The following PCDH7 variants were observed in gnomAD, a reference collection of about 807,000 sequenced individuals.
PCDH7 encodes the protein protocadherin-7.
Under a neutral mutation model 58.9 loss-of-function variants are expected in PCDH7, and 17 were observed. That is an observed-to-expected ratio of 0.29 (90% CI 0.20 to 0.43). The LOEUF (loss-of-function observed/expected upper bound fraction) is 0.43, where lower values mean the gene tolerates loss of function less well. Among genes scored for constraint, PCDH7 ranks in the 20% least tolerant of loss-of-function variants. The pLI is 1.00. For missense variants in PCDH7, 1,274 were observed against 1,441.0 expected, an observed-to-expected ratio of 0.88 and a Z score of 1.88; for synonymous variants, 664 against 616.4, an observed-to-expected ratio of 1.08 and a Z score of -1.14.
intron 3 of PCDH7, among the ~76,000 whole-genome samples, chr4:30,996,071 G>C (rs547167052): frequency 1.3e-5 from 2 of 151,986 alleles, no homozygotes; most frequent in African/African-American, 2.4e-5. Context: ...TATTCACATC[G>C]AATTAAATAT....
In PCDH7 at chr4:30,722,850, C is replaced by G. The variant is rs1380721086; in HGVS notation, c.1428C>G (p.Thr476=). ...TCCAGCTCAAGCCAGCCAGCGACAC[C>G]GAGGGCGACCAGAACAAGAAAAAGT... Residue 476 remains threonine, a synonymous_variant, in exon 1 of 2, where the codon ACC becomes ACG. Coordinates refer to ENST00000361762, the Ensembl canonical transcript of PCDH7. The surrounding 1 kb of genome is among the most constrained non-coding windows in gnomAD (Gnocchi z 7.6). 20 of 1,613,682 alleles carry G rather than the reference C, an allele frequency of 1.2e-5. No homozygotes were observed. Among genetic ancestry groups the G allele is most frequent in the Non-Finnish European group, 1.7e-5 (20 of 1,180,044 alleles).
At chr4:31,044,533 T>A (rs1691068008) in intron 3 of PCDH7, among the ~76,000 whole-genome samples, 1 of 152,050 alleles carries the variant, frequency 6.6e-6, no homozygotes, top group African/African-American at 2.4e-5. Context: ...CTGTGTTTTC[T>A]TATGCTAGGA....
chr4:30,915,125 T>G (rs965194887), intron 1 of PCDH7, among the ~76,000 whole-genome samples: 12 of 152,212 alleles, frequency 7.9e-5, no homozygotes, highest in African/African-American at 2.7e-4. Context: ...AAATGTTTAT[T>G]TTAAAGCAAA....
chr4:31,052,871 G>A (rs539571380), intron 3 of PCDH7, among the ~76,000 whole-genome samples: 1 of 152,108 alleles, frequency 6.6e-6, no homozygotes, highest in Admixed American at 6.6e-5. Context: ...CTTCAGAATA[G>A]AGATTTTCAT....
chr4:30,796,327 A>C (rs1197232851), intron 1 of PCDH7, among the ~76,000 whole-genome samples: 1 of 152,202 alleles, frequency 6.6e-6, no homozygotes, highest in African/African-American at 2.4e-5. Flanking sequence ...TTTACTGTTT[A>C]GTCTGAATTT....
At chr4:31,090,065 T>A (rs2109283023) in intron 3 of PCDH7, among the ~76,000 whole-genome samples, 1 of 152,136 alleles carries the variant, frequency 6.6e-6, no homozygotes, top group African/African-American at 2.4e-5. Context: ...CTTTCTCTCC[T>A]TTGATTTCGG....
intron 2 of PCDH7, among the ~76,000 whole-genome samples, chr4:30,940,075 A>C (rs1745840206): frequency 1.3e-5 from 2 of 151,948 alleles, no homozygotes; most frequent in African/African-American, 4.8e-5. Context: ...ATTGAAGAGT[A>C]ATGATGTGGT....
At chr4:30,866,412 G>A (rs1734885380) in intron 1 of PCDH7, among the ~76,000 whole-genome samples, 1 of 152,066 alleles carries the variant, frequency 6.6e-6, no homozygotes, top group Non-Finnish European at 1.5e-5. Flanking sequence ...GACTTAAACA[G>A]AGGCAAAATG....
chr4:31,101,399 TA>T (rs1482747524), intron 3 of PCDH7, among the ~76,000 whole-genome samples: 3 of 152,200 alleles, frequency 2.0e-5, no homozygotes, highest in African/African-American at 7.2e-5. Flanking sequence ...ATTATACCTG[TA>T]AGTATAATTC....
intron 3 of PCDH7, among the ~76,000 whole-genome samples, chr4:31,004,212 C>T (rs990556347): frequency 2.6e-5 from 4 of 152,050 alleles, no homozygotes; most frequent in Non-Finnish European, 2.9e-5. Context: ...ATAGTTATAT[C>T]CCACGTGCCG....
rs890643472 is a variant in PCDH7 at position 30,975,820 on chromosome 4, T to A, written c.*7+25605T>A. 2.3e-4 allele frequency among the ~76,000 whole-genome samples: 35 copies of A among 152,320 alleles called. 1 individual carries two copies. The highest frequency in any genetic ancestry group is 8.2e-4 in the African/African-American group (34 of 41,578). On this transcript the variant is annotated intron_variant, in intron 3 of 3. Coordinates refer to the PCDH7 transcript ENST00000509759. ...GGCCTGGTGTCACTCCCATATCCCT[T>A]TGAGTGTATTAAGCCAAATAAGAAT...
chr4:31,039,565 A>C (rs1247831979), intron 3 of PCDH7, among the ~76,000 whole-genome samples: 1 of 152,144 alleles, frequency 6.6e-6, no homozygotes, highest in Non-Finnish European at 1.5e-5. Flanking sequence ...TTGCCCAGCC[A>C]TAGTTTATAG....
rs556561813 is a variant in PCDH7, at chr4:30,972,769, G to A, written c.*7+22554G>A. 3.3e-5 allele frequency among the ~76,000 whole-genome samples: 5 copies of A among 152,146 alleles called. No homozygotes were observed. The East Asian group carries it at 5.8e-4, about 18-fold the overall frequency. ...CATATAAAAATTTAGGCACAATCAC[G>A]CCTAGTCCATCTCAACTGTACCCCA... On this transcript the variant is annotated intron_variant, in intron 3 of 3. Coordinates refer to the PCDH7 transcript ENST00000509759.
At chr4:30,844,610 G>A (rs1475387850) in intron 1 of PCDH7, among the ~76,000 whole-genome samples, 1 of 152,210 alleles carries the variant, frequency 6.6e-6, no homozygotes, top group East Asian at 1.9e-4. Context: ...AGAAATAATC[G>A]TAAATCTCCT....
intron 3 of PCDH7, among the ~76,000 whole-genome samples, chr4:31,025,023 G>A (rs1176388189): frequency 6.6e-6 from 1 of 152,188 alleles, no homozygotes; most frequent in African/African-American, 2.4e-5. Flanking sequence ...CGTTTCAGGC[G>A]TGAGCCACTG....
chr4:30,973,906 T>C (rs1749819737), intron 3 of PCDH7, among the ~76,000 whole-genome samples: 1 of 152,178 alleles, frequency 6.6e-6, no homozygotes, highest in Non-Finnish European at 1.5e-5. Flanking sequence ...CTTGAATTTA[T>C]GTGAATTTAC....
At chr4:30,884,325 G>A (rs1022841040) in intron 1 of PCDH7, 2 of 152,142 alleles carry the variant, frequency 1.3e-5, no homozygotes, top group African/African-American at 2.4e-5. Context: ...CTGAGGCAAT[G>A]TGATTTCCAG....
rs190584645 is a variant in PCDH7 at position 31,120,714 on chromosome 4, C to G, written c.*8-21759C>G. ...GCAAGGGTAATTAACTTGCATAAAC[C>G]CATAGGTGAATGTCAGGATTAGAAA... On this transcript the variant is annotated intron_variant, in intron 3 of 3. Transcript: ENST00000509759. 1.6e-4 allele frequency among the ~76,000 whole-genome samples: 24 copies of G among 152,140 alleles called. 1 individual carries two copies. Among genetic ancestry groups the G allele is most frequent in the Admixed American group, 1.6e-3 (24 of 15,280 alleles).
At chr4:30,726,618 C>T (rs1221579549) in intron 1 of PCDH7, among the ~76,000 whole-genome samples, 3 of 152,018 alleles carry the variant, frequency 2.0e-5, no homozygotes, top group Admixed American at 2.0e-4. Flanking sequence ...GTAAAGAAGT[C>T]CACATTCCAA....
Sources: allele counts gnomAD v4.1 joint callset (sites outside exome capture counted in the v4.1 genomes callset), GRCh38; gene constraint gnomAD v4.1.1; non-coding constraint Gnocchi (gnomAD v3.1); transcripts MANE v1.5; gene names NCBI Gene and HGNC (gene_info 2026-07-23, HGNC 2026-07-21).